Variants in PRPS1 observed in about 807,000 individuals in gnomAD.
PRPS1 encodes the protein ribose-phosphate pyrophosphokinase 1.
PRPS1 carries 1 observed loss-of-function variant against 16.9 expected under a neutral mutation model. The ratio of observed to expected loss-of-function variants is 0.06; its 90% CI spans 0.02 to 0.28. The LOEUF is 0.28. Ranked by LOEUF, PRPS1 falls within the 10% of genes least tolerant of loss-of-function variation. The pLI, the probability that PRPS1 is intolerant of heterozygous loss-of-function variation, is 1.00. For missense variants in PRPS1, 47 were observed against 254.0 expected, an observed-to-expected ratio of 0.19 and a Z score of 5.54; for synonymous variants, 70 against 90.2, an observed-to-expected ratio of 0.78 and a Z score of 1.27.
intron 4 of PRPS1, among the ~76,000 whole-genome samples, chrX:107,643,619 G>A (rs1925625507): frequency 9.0e-6 from 1 of 111,270 alleles, no homozygotes; most frequent in Non-Finnish European, 1.9e-5. Context: ...ATATTCATTT[G>A]TACAGTAGTT....
chrX:107,642,193 T>C (rs1925589765), intron 3 of PRPS1, among the ~76,000 whole-genome samples, 173 bp from the exon 4 acceptor site: 1 of 112,271 alleles, frequency 8.9e-6, no homozygotes, highest in Non-Finnish European at 1.9e-5. Context: ...CTGGGCTCTC[T>C]CACATAGCCC....
chrX:107,650,875 T>C lies in PRPS1; in HGVS notation c.*843T>C, dbSNP rs1334877517. ...CTGAGGCAGTAGGTTTTAGGTGGTA[T>C]CGTAGTGCCTTTTGATTAATTTAAG... On this transcript the variant is annotated 3_prime_UTR_variant, in exon 7 of 7. Transcript: ENST00000372435. 3.5e-6 allele frequency: 1 copy of C among 287,218 alleles called. No homozygotes were observed. The highest frequency in any genetic ancestry group is 4.9e-5 in the East Asian group (1 of 20,243). The allele number at this position is 287,218 out of a possible 1,213,427, so 23.7% of individuals were successfully genotyped here. A position where few individuals can be genotyped will look rare whatever the true frequency, so the allele number is the denominator to read the frequency against.
intron 1 of PRPS1, among the ~76,000 whole-genome samples, chrX:107,635,442 C>T (rs1156724420): frequency 9.7e-6 from 1 of 102,717 alleles, no homozygotes; most frequent in Non-Finnish European, 1.9e-5. Flanking sequence ...TTAAAATTTT[C>T]TGATTTTTTT....
chrX:107,628,652 C>T lies in PRPS1; in HGVS notation c.24C>T (p.Ser8=), dbSNP rs754682838. MPNIKIF[S]GSSHQDLSQK... is the part of the protein sequence containing the mutation. The stretch of plus-strand genomic sequence containing the variant: ...GGATGCCGAATATCAAAATCTTCAG[C>T]GGCAGCTCCCACCAGGACTTATCTC... The change falls in exon 1 of 7, where the codon AGC becomes AGT. Residue 8 remains serine, a synonymous_variant. Coordinates refer to ENST00000372435, the MANE Select transcript of PRPS1 (RefSeq NM_002764.4). 7.4e-6 allele frequency: 9 copies of T among 1,209,764 alleles called. No homozygotes were observed. In the South Asian group the frequency reaches 1.4e-4, roughly 19 times the overall value.
At chrX:107,635,815 C>T (rs765431742) in intron 1 of PRPS1, among the ~76,000 whole-genome samples, 3 of 110,484 alleles carry the variant, frequency 2.7e-5, no homozygotes, top group South Asian at 7.7e-4. Context: ...AATCCCAGCA[C>T]TTTGGGAGGT....
intron 5 of PRPS1, among the ~76,000 whole-genome samples, chrX:107,646,835 A>C (rs1469872179): frequency 8.9e-6 from 1 of 112,439 alleles, no homozygotes; most frequent in Non-Finnish European, 1.9e-5. Flanking sequence ...CCAAAAACTG[A>C]TGTACATTGT....
chrX:107,638,931 C>T (rs1925507485), intron 1 of PRPS1, among the ~76,000 whole-genome samples: 1 of 110,727 alleles, frequency 9.0e-6, no homozygotes, highest in Non-Finnish European at 1.9e-5. Context: ...TACATGGTTT[C>T]GCCATGTTGG....
intron 1 of PRPS1, among the ~76,000 whole-genome samples, chrX:107,637,950 A>ATATTTTTT (rs1411479537): frequency 4.5e-4 from 44 of 98,346 alleles, no homozygotes; most frequent in African/African-American, 1.7e-3. Context: ...ATATATATAT[A>ATATTTTTT]TTTTTTTGAT....
At chrX:107,638,702 C>A (rs1454022069) in intron 1 of PRPS1, among the ~76,000 whole-genome samples, 1 of 110,754 alleles carries the variant, frequency 9.0e-6, no homozygotes, top group Non-Finnish European at 1.9e-5. Flanking sequence ...AGTGCTGAGC[C>A]ACCATGCCAG....
chrX:107,642,136 C>G (rs1204631440), intron 3 of PRPS1, among the ~76,000 whole-genome samples: 1 of 111,989 alleles, frequency 8.9e-6, no homozygotes, highest in Non-Finnish European at 1.9e-5. Flanking sequence ...ACTTATGTTC[C>G]TATGTTCAGT....
intron 2 of PRPS1, among the ~76,000 whole-genome samples, chrX:107,640,344 CAAAAAAA>C (rs759522021): frequency 8.1e-5 from 2 of 24,698 alleles, no homozygotes; most frequent in African/African-American, 2.2e-4. Context: ...TCTGTCTCTA[CAAAAAAA>C]AAAAAAAAAA....
chrX:107,638,105 A>AT (rs57348912), intron 1 of PRPS1, among the ~76,000 whole-genome samples: 22 of 103,349 alleles, frequency 2.1e-4, no homozygotes, highest in South Asian at 8.5e-4. Context: ...CACTCAGCTA[A>AT]TTTTTTTTTT....
chrX:107,640,152 C>T, intron 2 of PRPS1, among the ~76,000 whole-genome samples: 1 of 112,388 alleles, frequency 8.9e-6, no homozygotes, highest in South Asian at 3.6e-4. Flanking sequence ...CCAGCCTGGG[C>T]AACGCTGTGA....
chrX:107,648,587 A>G (rs1003854457), intron 6 of PRPS1, among the ~76,000 whole-genome samples: 4 of 108,244 alleles, frequency 3.7e-5, no homozygotes, highest in Non-Finnish European at 7.7e-5. Flanking sequence ...TTTTTTTGAT[A>G]TTATGTGTAG....
chrX:107,649,180 G>A (rs1177157589), intron 6 of PRPS1, among the ~76,000 whole-genome samples: 1 of 111,317 alleles, frequency 9.0e-6, no homozygotes. Context: ...AAACTCCCAG[G>A]CTCAAGCGAT....
At chrX:107,633,854 G>A (rs1878498360) in intron 1 of PRPS1, among the ~76,000 whole-genome samples, 1 of 111,279 alleles carries the variant, frequency 9.0e-6, no homozygotes, top group African/African-American at 3.3e-5. Flanking sequence ...TTGAACCTGG[G>A]AGGCAGAGGT....
intron 6 of PRPS1, among the ~76,000 whole-genome samples, chrX:107,648,567 G>A (rs1263529515): frequency 9.3e-6 from 1 of 107,539 alleles, no homozygotes; most frequent in African/African-American, 3.4e-5. Flanking sequence ...GCACCACCAT[G>A]CCCAGCTAAT....
At position 107,635,842 on chromosome X, in the gene PRPS1, C is replaced by T. The variant is rs373175062; in HGVS notation, c.123-3453C>T. Among the ~76,000 whole-genome samples the T allele has an allele frequency of 4.4e-3, 481 of 109,459 alleles. 2 individuals carry two copies. Among genetic ancestry groups the T allele is most frequent in the African/African-American group, 0.016 (467 of 29,940 alleles). On this transcript the variant is annotated intron_variant, in intron 1 of 6. Transcript: ENST00000372435. ...TTGGGAGGTCAAGGCGGGCAGATCACGAGGTCAAGAGATCGAGACCATCCT... is the reference window on the plus strand; with the variant it reads ...TTGGGAGGTCAAGGCGGGCAGATCATGAGGTCAAGAGATCGAGACCATCCT...
At position 107,628,577 on chromosome X, in the gene PRPS1, T is replaced by G; in HGVS notation, c.-52T>G. 2.5e-6 allele frequency: 3 copies of G among 1,210,531 alleles called. No individual in the cohort carries two copies. Among genetic ancestry groups the G allele is most frequent in the Non-Finnish European group, 3.4e-6 (3 of 895,264 alleles). On this transcript the variant is annotated 5_prime_UTR_variant, in exon 1 of 7. Transcript: ENST00000372435. ...AGTCTGTGGCCGACTTCGGTTCCGG[T>G]CTCTGCAGCAGCCGTGATCGCTTAG...
Sources: allele counts gnomAD v4.1 joint callset (sites outside exome capture counted in the v4.1 genomes callset), GRCh38; gene constraint gnomAD v4.1.1; transcripts MANE v1.5; gene names NCBI Gene and HGNC (gene_info 2026-07-23, HGNC 2026-07-21).